Variants in SAMD5 observed in about 807,000 individuals in gnomAD.
SAMD5 encodes sterile alpha motif domain containing 5, also known as sterile alpha motif domain-containing protein 5.
Under a neutral mutation model 11.3 loss-of-function variants are expected in SAMD5, and 13 were observed. That is an observed-to-expected ratio of 1.15 (90% confidence interval 0.75 to 1.83). The LOEUF (loss-of-function observed/expected upper bound fraction) is 1.83, where lower values mean the gene tolerates loss of function less well. Among genes scored for constraint, SAMD5 ranks in the 40% most tolerant of loss-of-function variants. The pLI, the probability that SAMD5 is intolerant of heterozygous loss-of-function variation, is 0.00. For missense variants in SAMD5, 255 were observed against 239.1 expected, an observed-to-expected ratio of 1.07 and a Z score of -0.44; for synonymous variants, 129 against 111.3, an observed-to-expected ratio of 1.16 and a Z score of -1.00.
At chr6:147,952,089 A>G in the SAMD5 span, among the ~76,000 whole-genome samples, 2 of 152,170 alleles carry the variant, frequency 1.3e-5, no homozygotes, top group Non-Finnish European at 2.9e-5. Context: ...TTCAGTTTTT[A>G]TTCAGAGTAA....
At chr6:147,904,299 C>T in the SAMD5 span, among the ~76,000 whole-genome samples, 32 of 152,228 alleles carry the variant, frequency 2.1e-4, no homozygotes, top group Non-Finnish European at 2.8e-4. Context: ...CAAGCCTGGC[C>T]CCAAAAAGCT....
chr6:147,777,800 A>G, the SAMD5 span, among the ~76,000 whole-genome samples: 4 of 152,232 alleles, frequency 2.6e-5, no homozygotes, highest in South Asian at 4.1e-4. Context: ...TTCACTTAGT[A>G]TAATGTATTC....
intron 1 of SAMD5, among the ~76,000 whole-genome samples, chr6:147,587,347 C>T (rs1339257878): frequency 2.0e-5 from 3 of 152,070 alleles, no homozygotes; most frequent in Non-Finnish European, 4.4e-5. Flanking sequence ...AAGTGGTTCT[C>T]CTATCTCAGC....
chr6:147,632,087 G>A (rs753183128), intron 1 of SAMD5, among the ~76,000 whole-genome samples: 2 of 152,112 alleles, frequency 1.3e-5, no homozygotes, highest in Non-Finnish European at 2.9e-5. Flanking sequence ...CCGATGAGAA[G>A]GAGAAAAACT....
the SAMD5 span, among the ~76,000 whole-genome samples, chr6:147,838,999 T>A: frequency 3.3e-5 from 5 of 152,188 alleles, no homozygotes; most frequent in African/African-American, 1.2e-4. Context: ...CCTCCGACAT[T>A]TCTATACAGG....
At chr6:147,852,533 A>C in the SAMD5 span, among the ~76,000 whole-genome samples, 2 of 152,322 alleles carry the variant, frequency 1.3e-5, no homozygotes, top group African/African-American at 4.8e-5. Flanking sequence ...AAAGTTGATT[A>C]GCTGGGAGTT....
chr6:147,716,067 A>G (rs942137129), intron 1 of SAMD5, among the ~76,000 whole-genome samples: 5 of 152,108 alleles, frequency 3.3e-5, no homozygotes, highest in African/African-American at 1.2e-4. Flanking sequence ...AGCTTCATCA[A>G]GGACCTGCCC....
chr6:147,672,869 T>G (rs1406035258), intron 1 of SAMD5, among the ~76,000 whole-genome samples: 1 of 152,200 alleles, frequency 6.6e-6, no homozygotes, highest in African/African-American at 2.4e-5. Flanking sequence ...TATTTATTTA[T>G]TTATTTTAAA....
At chr6:147,712,109 T>C (rs1280123040) in intron 1 of SAMD5, among the ~76,000 whole-genome samples, 3 of 152,236 alleles carry the variant, frequency 2.0e-5, no homozygotes, top group African/African-American at 7.2e-5. Context: ...TGCATAATAT[T>C]TTGTGGCCTT....
At chr6:147,684,149 A>G (rs760137621) in intron 1 of SAMD5, among the ~76,000 whole-genome samples, 11 of 152,024 alleles carry the variant, frequency 7.2e-5, no homozygotes, top group African/African-American at 1.2e-4. Flanking sequence ...TAAGCGTTTC[A>G]TTATGATTAG....
At chr6:147,757,384 T>G in the SAMD5 span, among the ~76,000 whole-genome samples, 1 of 152,298 alleles carries the variant, frequency 6.6e-6, no homozygotes, top group East Asian at 1.9e-4. Context: ...GATCTAAGAA[T>G]GGACTGACAT....
At chr6:147,778,042 C>A in the SAMD5 span, among the ~76,000 whole-genome samples, 1 of 152,140 alleles carries the variant, frequency 6.6e-6, no homozygotes, top group Non-Finnish European at 1.5e-5. Flanking sequence ...AAAGGAACTG[C>A]AAAACTGTTT....
intron 1 of SAMD5, among the ~76,000 whole-genome samples, chr6:147,693,890 AC>A (rs1386609360): frequency 6.6e-6 from 1 of 152,076 alleles, no homozygotes; most frequent in Non-Finnish European, 1.5e-5. Flanking sequence ...AATCGCTTGA[AC>A]CTAGGAGGTG....
At chr6:147,910,287 C>T in the SAMD5 span, among the ~76,000 whole-genome samples, 2 of 152,238 alleles carry the variant, frequency 1.3e-5, no homozygotes, top group South Asian at 4.1e-4. Flanking sequence ...TGCTAGGGCT[C>T]CTGGCAAGTG....
rs148551666 is a variant in SAMD5, at chr6:147,614,762, A to G, written c.162+105375A>G. ...GTTTGCTATGAATAGTGAGTACATG[A>G]GTACATACATACTTTAAAATTCATC... On this transcript the variant is annotated intron_variant, in intron 1 of 1. Transcript: ENST00000566741. Among the ~76,000 whole-genome samples the G allele has an allele frequency of 1.3e-3, 195 of 152,076 alleles. 2 individuals carry two copies. In the East Asian group the frequency reaches 0.034, roughly 27 times the overall value.
At chr6:147,510,834 G>C (rs1023625892) in intron 1 of SAMD5, among the ~76,000 whole-genome samples, 3 of 152,218 alleles carry the variant, frequency 2.0e-5, no homozygotes, top group Admixed American at 2.0e-4. Flanking sequence ...TACCCACTCT[G>C]TGCCACTGAT....
chr6:147,534,301 G>A (rs962861699), intron 1 of SAMD5, among the ~76,000 whole-genome samples: 26 of 152,088 alleles, frequency 1.7e-4, no homozygotes, highest in African/African-American at 4.6e-4. Context: ...CTTTTTTCTC[G>A]TGGCACCCTT....
rs963335699 is a variant in SAMD5, at chr6:147,656,601, C to A, written c.163-80716C>A. On this transcript the variant is annotated intron_variant, in intron 1 of 1. Coordinates refer to the SAMD5 transcript ENST00000566741. Reference sequence around the variant, plus strand: ...GAAGCAAGAATGCACAGAAAGACAACATATGAAAAGATGTTCAAATCTTCT... The same window carrying A: ...GAAGCAAGAATGCACAGAAAGACAAAATATGAAAAGATGTTCAAATCTTCT... Among the ~76,000 whole-genome samples the A allele has an allele frequency of 2.0e-5, 3 of 152,204 alleles. No individual in the cohort carries two copies. The South Asian group carries it at 6.2e-4, about 32-fold the overall frequency.
At chr6:147,830,426 T>G in the SAMD5 span, among the ~76,000 whole-genome samples, 10 of 151,904 alleles carry the variant, frequency 6.6e-5, no homozygotes, top group Admixed American at 6.6e-4. Context: ...CTGGCTAATT[T>G]TTGTATTTTT....
Sources: gnomAD v4.1 joint callset for allele counts (sites outside exome capture counted in the v4.1 genomes callset) on GRCh38, gnomAD v4.1.1 for gene constraint, MANE v1.5 for transcripts, NCBI Gene and HGNC (gene_info 2026-07-23, HGNC 2026-07-21) for gene names.